NDUFC1: variants seen among roughly 807,000 people sequenced by gnomAD.
NDUFC1 encodes the protein NADH:ubiquinone oxidoreductase subunit C1, also known as NADH dehydrogenase [ubiquinone] 1 subunit C1, mitochondrial.
NDUFC1 carries 11 observed loss-of-function variants against 11.6 expected under a neutral mutation model. That is an observed-to-expected ratio of 0.95 (90% CI 0.60 to 1.58). The LOEUF (loss-of-function observed/expected upper bound fraction) is 1.58. NDUFC1 is among the 40% of genes most tolerant of loss of function. The pLI is 0.00. For synonymous variants in NDUFC1, 52 were observed against 42.2 expected, an observed-to-expected ratio of 1.23 and a Z score of -0.90; for missense variants, 112 against 93.0, an observed-to-expected ratio of 1.20 and a Z score of -0.84.
intron 1 of NDUFC1, chr4:139,301,937 C>G: frequency 1.6e-6 from 2 of 1,253,776 alleles, no homozygotes; most frequent in South Asian, 2.8e-5. Context: ...CGCCCGGGAC[C>G]CCGCCTTCAT....
At chr4:139,299,123 C>T (rs1448857564) in intron 1 of NDUFC1, among the ~76,000 whole-genome samples, 1 of 152,186 alleles carries the variant, frequency 6.6e-6, no homozygotes, top group East Asian at 1.9e-4. Flanking sequence ...GCACGCACCA[C>T]CACACCCGGC....
intron 1 of NDUFC1, chr4:139,302,030 T>A: frequency 4.1e-6 from 2 of 484,194 alleles, no homozygotes; most frequent in Non-Finnish European, 7.1e-6. Flanking sequence ...CACAGGCTTC[T>A]TCATTCCATC....
Position 139,292,620 on chromosome 4 carries a change from T to A in NDUFC1, c.172-11A>T, listed in dbSNP as rs1276247659. ...GTGTTGTTTGATGAGCTACAAAGAG[T>A]TAAACAGTTAAAATTAGAAATGTAA... On this transcript the variant is annotated splice_polypyrimidine_tract_variant and intron_variant, in intron 4 of 5. Transcript: ENST00000394223. The A allele has an allele frequency of 8.8e-6, 13 of 1,482,686 alleles. No homozygotes were observed. Among genetic ancestry groups the A allele is most frequent in the South Asian group, 1.2e-5 (1 of 80,108 alleles). The allele number at this position is 1,482,686 out of a possible 1,614,324, so 91.8% of individuals were successfully genotyped here.
At chr4:139,296,763 C>T (rs1299975823) in intron 2 of NDUFC1, among the ~76,000 whole-genome samples, 2 of 152,194 alleles carry the variant, frequency 1.3e-5, no homozygotes, top group Non-Finnish European at 1.5e-5. Context: ...TCAGTTCAAT[C>T]TGATGTCTAA....
At position 139,295,719 on chromosome 4, in the gene NDUFC1, G is replaced by A; in HGVS notation, c.67+13C>T. ...CTGAGGGTCGAGTCGGCCTGCACGA[G>A]GAGGATACTCACGGCCGCTCGGGAG... is the stretch of plus-strand genomic sequence containing the variant. On this transcript the variant is annotated intron_variant, in intron 3 of 5. Coordinates refer to ENST00000394223, the MANE Select transcript of NDUFC1 (RefSeq NM_001184989.2). The A allele has an allele frequency of 6.5e-7, 1 of 1,540,918 alleles. No homozygotes were observed. The highest frequency in any genetic ancestry group is 8.7e-7 in the Non-Finnish European group (1 of 1,143,564).
At chr4:139,291,659 T>C (rs1745223157) in intron 5 of NDUFC1, among the ~76,000 whole-genome samples, 1 of 152,176 alleles carries the variant, frequency 6.6e-6, no homozygotes, top group African/African-American at 2.4e-5. Flanking sequence ...AGCAAGTTGC[T>C]GAATAAAGGA....
At chr4:139,301,231 T>C in intron 1 of NDUFC1, 2 of 292,820 alleles carry the variant, frequency 6.8e-6, no homozygotes, top group Non-Finnish European at 1.3e-5. Flanking sequence ...GAAAGGTCGA[T>C]CTAGCAGGAA....
At chr4:139,301,333 C>A in intron 1 of NDUFC1, 1 of 402,852 alleles carries the variant, frequency 2.5e-6, no homozygotes, top group Non-Finnish European at 4.4e-6. Flanking sequence ...GGGTACCACG[C>A]ACTGAAATGA....
chr4:139,295,930 G>T lies in NDUFC1; in HGVS notation c.-132C>A, dbSNP rs895487292. ...TCAACGTGAATTCCAGCACGGCAAG[G>T]TTCTCTAGCACCCCGGCCTCAGCCT... On this transcript the variant is annotated 5_prime_UTR_variant, in exon 3 of 6. Transcript: ENST00000394223. 2.4e-6 allele frequency: 2 copies of T among 848,332 alleles called. No homozygotes were observed. The highest frequency in any genetic ancestry group is 3.6e-5 in the African/African-American group (2 of 55,888). The allele number at this position is 848,332 out of a possible 1,614,324, so 52.6% of individuals were successfully genotyped here. A position where few individuals can be genotyped will look rare whatever the true frequency, so the allele number is the denominator to read the frequency against.
At chr4:139,301,914 A>G in intron 1 of NDUFC1, 1 of 1,437,546 alleles carries the variant, frequency 7.0e-7, no homozygotes, top group South Asian at 1.3e-5. Flanking sequence ...CCCGGCGGGC[A>G]CTGAGCCACT....
rs1745147218 is a variant in NDUFC1, at chr4:139,290,048, ATGG to A, written c.*62_*64del. On this transcript the variant is annotated 3_prime_UTR_variant, in exon 6 of 6. Coordinates refer to ENST00000394223, the MANE Select transcript of NDUFC1 (RefSeq NM_001184989.2). Reference sequence around the variant, plus strand: ...TTCTCTCACATTTACAACTCAACAGATGGTGAATCCAGAGGAACAGCTACAATC... The same window carrying A: ...TTCTCTCACATTTACAACTCAACAGATGAATCCAGAGGAACAGCTACAATC... The A allele has an allele frequency of 6.6e-6, 1 of 151,986 alleles. No homozygotes were observed. Among genetic ancestry groups the A allele is most frequent in the African/African-American group, 2.4e-5 (1 of 41,392 alleles). The allele number at this position is 151,986 out of a possible 1,614,324, so 9.4% of individuals were successfully genotyped here. A position where few individuals can be genotyped will look rare whatever the true frequency, so the allele number is the denominator to read the frequency against.
rs979555387 is a variant in NDUFC1 at position 139,295,920 on chromosome 4, G to T, written c.-122C>A. The T allele has an allele frequency of 1.0e-6, 1 of 968,736 alleles. No individual in the cohort carries two copies. Among genetic ancestry groups the T allele is most frequent in the Non-Finnish European group, 1.5e-6 (1 of 654,866 alleles). 60.0% of individuals were successfully genotyped at this position (968,736 alleles called of 1,614,324 possible). A position where few individuals can be genotyped will look rare whatever the true frequency, so the allele number is the denominator to read the frequency against. On this transcript the variant is annotated 5_prime_UTR_variant, in exon 3 of 6. It adds an upstream start codon to the 5' untranslated region. Transcript: ENST00000394223. ...CGTGGGGGCGTCAACGTGAATTCCA[G>T]CACGGCAAGGTTCTCTAGCACCCCG...
At chr4:139,296,455 T>TC (rs1186185781) in intron 2 of NDUFC1, 6 of 152,254 alleles carry the variant, frequency 3.9e-5, no homozygotes, top group African/African-American at 1.4e-4. Flanking sequence ...TGACTCCAGA[T>TC]CTAGTGATCC....
chr4:139,290,217 CTTATT>C (rs1428792312), intron 5 of NDUFC1, 125 bp from the exon 6 acceptor site: 3 of 151,944 alleles, frequency 2.0e-5, no homozygotes, highest in Admixed American at 6.6e-5. Context: ...GTACCAATAC[CTTATT>C]TTATTTAATT....
At position 139,300,275 on chromosome 4, in the gene NDUFC1, C is replaced by T. The variant is rs555184648; in HGVS notation, c.-222+2141G>A. 3.9e-5 allele frequency among the ~76,000 whole-genome samples: 6 copies of T among 152,238 alleles called. No homozygotes were observed. The East Asian group carries it at 9.6e-4, about 24-fold the overall frequency. ...CTGTTAAAAACCTTATTTATGACCC[C>T]GGTGAAGGGCGAGGACAATCAATAT... On this transcript the variant is annotated intron_variant, in intron 1 of 5. Transcript: ENST00000394223.
Position 139,295,922 on chromosome 4 carries a change from A to T in NDUFC1, c.-124T>A. ...TGGGGGCGTCAACGTGAATTCCAGC[A>T]CGGCAAGGTTCTCTAGCACCCCGGC... On this transcript the variant is annotated 5_prime_UTR_variant, in exon 3 of 6. Coordinates refer to ENST00000394223, the MANE Select transcript of NDUFC1 (RefSeq NM_001184989.2). 4.2e-6 allele frequency: 4 copies of T among 948,282 alleles called. No individual in the cohort carries two copies. In the Admixed American group the frequency reaches 1.2e-4, roughly 28 times the overall value. The allele number at this position is 948,282 out of a possible 1,614,324, so 58.7% of individuals were successfully genotyped here. A position where few individuals can be genotyped will look rare whatever the true frequency, so the allele number is the denominator to read the frequency against.
intron 1 of NDUFC1, chr4:139,301,555 C>T (rs918636108): frequency 1.0e-5 from 6 of 584,002 alleles, no homozygotes; most frequent in African/African-American, 1.9e-5. Flanking sequence ...CGACGGAGAC[C>T]CGTAGTGGGG....
chr4:139,302,228 G>A (rs1745807355), intron 1 of NDUFC1, 188 bp downstream of exon 1: 1 of 199,694 alleles, frequency 5.0e-6, no homozygotes, highest in East Asian at 1.2e-4. Context: ...ACCCTTGGAA[G>A]GAACAGGTGG....
chr4:139,299,496 G>T lies in NDUFC1; in HGVS notation c.-221-2053C>A, dbSNP rs143941380. Among the ~76,000 whole-genome samples the T allele has an allele frequency of 6.3e-4, 96 of 152,272 alleles. No individual in the cohort carries two copies. The East Asian group carries it at 0.01, about 17-fold the overall frequency. Reference sequence around the variant, plus strand: ...GGGTAAGATGAATTAACTATCATCAGCAGCAGCAGCGGCAGCATATAGCCT... The same window carrying T: ...GGGTAAGATGAATTAACTATCATCATCAGCAGCAGCGGCAGCATATAGCCT... On this transcript the variant is annotated intron_variant, in intron 1 of 5. Transcript: ENST00000394223.
Sources: allele counts gnomAD v4.1 joint callset (sites outside exome capture counted in the v4.1 genomes callset), GRCh38; gene constraint gnomAD v4.1.1; transcripts MANE v1.5; gene names NCBI Gene and HGNC (gene_info 2026-07-23, HGNC 2026-07-21).